STARD13: variants seen among roughly 807,000 people sequenced by gnomAD.
The protein encoded by STARD13 is StAR related lipid transfer domain containing 13, also known as stAR-related lipid transfer protein 13.
A neutral mutation model predicts 106.4 loss-of-function variants in STARD13; 62 were observed. The observed-to-expected ratio is 0.58, with a 90% confidence interval of 0.48 to 0.72. STARD13 has a LOEUF of 0.72. Ranked by LOEUF, STARD13 falls within the 30% of genes least tolerant of loss-of-function variation. The pLI, the probability that STARD13 is intolerant of heterozygous loss-of-function variation, is 0.00. For synonymous variants in STARD13, 565 were observed against 553.0 expected (o/e 1.02, Z -0.31); for missense variants, 1,387 against 1,424.0 (o/e 0.97, Z 0.42).
At chr13:33,563,480 G>T in the STARD13 span, among the ~76,000 whole-genome samples, 188 of 147,372 alleles carry the variant, frequency 1.3e-3, 20 homozygotes, top group South Asian at 0.04. Context: ...AATGGGGAAA[G>T]GACAGTCTCT....
the STARD13 span, among the ~76,000 whole-genome samples, chr13:33,417,601 G>C: frequency 1.7e-3 from 264 of 152,242 alleles, 2 homozygotes; most frequent in African/African-American, 6.2e-3. Context: ...AAAAAGTAAA[G>C]TATGGATCCA....
chr13:33,574,953 T>A, the STARD13 span, among the ~76,000 whole-genome samples: 1 of 149,320 alleles, frequency 6.7e-6, no homozygotes, highest in African/African-American at 2.5e-5. Flanking sequence ...AGTCTCACTC[T>A]TTTGCCCAGC....
the STARD13 span, among the ~76,000 whole-genome samples, chr13:33,511,597 T>C: frequency 1.4e-4 from 22 of 152,236 alleles, 1 homozygote; most frequent in South Asian, 4.4e-3. Context: ...AAAGGTACTA[T>C]GTAATGAAAC....
the STARD13 span, among the ~76,000 whole-genome samples, chr13:33,653,252 A>T: frequency 6.6e-6 from 1 of 152,160 alleles, no homozygotes; most frequent in Non-Finnish European, 1.5e-5. Context: ...AAGTTACAAG[A>T]CTCAAACTTC....
chr13:33,617,450 A>G, the STARD13 span, among the ~76,000 whole-genome samples: 1 of 152,240 alleles, frequency 6.6e-6, no homozygotes, highest in Non-Finnish European at 1.5e-5. Flanking sequence ...TATTCAGGAA[A>G]CATTACACTC....
At chr13:33,352,465 C>G (rs1215663373), upstream of STARD13, among the ~76,000 whole-genome samples, 1 of 152,222 alleles carries the variant, frequency 6.6e-6, no homozygotes, top group Non-Finnish European at 1.5e-5. Flanking sequence ...ATTTAGCTCT[C>G]AAGAGCGTGG....
upstream of STARD13, among the ~76,000 whole-genome samples, chr13:33,287,381 C>T (rs945499756): frequency 2.6e-5 from 4 of 152,142 alleles, no homozygotes; most frequent in Admixed American, 1.3e-4. Context: ...TACTACCTCA[C>T]GTAGTTGGTA....
At position 33,317,130 on chromosome 13, in the gene STARD13, G is replaced by A. The variant is rs116339686; in HGVS notation, c.124+33160C>T. On this transcript the variant is annotated intron_variant, in intron 1 of 5. Coordinates refer to the STARD13 transcript ENST00000567873. ...CTTCTCTGTATATACTCATTTACTGGGTGATCTCATACATTCCTGACTTTA... is the reference window on the plus strand; with the variant it reads ...CTTCTCTGTATATACTCATTTACTGAGTGATCTCATACATTCCTGACTTTA... 4.9e-3 allele frequency among the ~76,000 whole-genome samples: 743 copies of A among 151,960 alleles called. 7 individuals are homozygous for A. The highest frequency in any genetic ancestry group is 0.017 in the African/African-American group (697 of 41,428).
chr13:33,579,713 CTT>C, the STARD13 span, among the ~76,000 whole-genome samples: 1 of 150,976 alleles, frequency 6.6e-6, no homozygotes, highest in Admixed American at 6.6e-5. Flanking sequence ...AAAAAAAACT[CTT>C]AAAGCTGAAC....
At chr13:33,604,191 G>A in the STARD13 span, among the ~76,000 whole-genome samples, 1 of 152,174 alleles carries the variant, frequency 6.6e-6, no homozygotes, top group Admixed American at 6.5e-5. Context: ...AAATGGTGAA[G>A]AAATGTGGAG....
chr13:33,461,381 G>A, the STARD13 span, among the ~76,000 whole-genome samples: 2 of 152,166 alleles, frequency 1.3e-5, no homozygotes, highest in African/African-American at 2.4e-5. Context: ...ACAATGCTAA[G>A]TGCTTGTGCT....
the STARD13 span, among the ~76,000 whole-genome samples, chr13:33,517,703 C>A: frequency 1.3e-5 from 2 of 152,252 alleles, no homozygotes; most frequent in South Asian, 2.1e-4. Context: ...CTCAAGGGAG[C>A]AATGGGGCTG....
At chr13:33,567,751 T>C in the STARD13 span, among the ~76,000 whole-genome samples, 1 of 147,992 alleles carries the variant, frequency 6.8e-6, no homozygotes, top group African/African-American at 2.5e-5. Context: ...TCCACAAAAA[T>C]TCATCTATGT....
the STARD13 span, among the ~76,000 whole-genome samples, chr13:33,437,657 T>C: frequency 6.6e-6 from 1 of 152,222 alleles, no homozygotes; most frequent in Middle Eastern, 3.2e-3. Context: ...GGGATGACTG[T>C]AATTAAAAAA....
chr13:33,499,519 T>TTTC, the STARD13 span, among the ~76,000 whole-genome samples: 448 of 91,868 alleles, frequency 4.9e-3, 5 homozygotes, highest in Admixed American at 6.9e-3. Flanking sequence ...TTCTTCTTTC[T>TTTC]TTCTTCTTCT....
At chr13:33,405,019 C>T in the STARD13 span, among the ~76,000 whole-genome samples, 9 of 152,146 alleles carry the variant, frequency 5.9e-5, no homozygotes, top group African/African-American at 2.4e-5. Flanking sequence ...TCAAGTGATC[C>T]GCCTGCCATG....
the STARD13 span, among the ~76,000 whole-genome samples, chr13:33,436,325 A>T: frequency 6.6e-6 from 1 of 152,220 alleles, no homozygotes; most frequent in Non-Finnish European, 1.5e-5. Context: ...TGGTACATCA[A>T]TGTGAGATTC....
chr13:33,305,286 T>C (rs962002605), intron 1 of STARD13, among the ~76,000 whole-genome samples: 1 of 152,222 alleles, frequency 6.6e-6, no homozygotes, highest in African/African-American at 2.4e-5. Flanking sequence ...CTGCCGTCAC[T>C]AAGCACACGA....
chr13:33,497,870 T>C, the STARD13 span, among the ~76,000 whole-genome samples: 2 of 152,164 alleles, frequency 1.3e-5, no homozygotes, highest in Non-Finnish European at 2.9e-5. Context: ...AATGATTTAG[T>C]AAATAACGTA....
Sources: allele counts gnomAD v4.1 joint callset (sites outside exome capture counted in the v4.1 genomes callset), GRCh38; gene constraint gnomAD v4.1.1; transcripts MANE v1.5; gene names NCBI Gene and HGNC (gene_info 2026-07-23, HGNC 2026-07-21).